RABL6: variants seen among roughly 807,000 people sequenced by gnomAD.
RABL6 encodes the protein RAB, member RAS oncogene family like 6, also known as rab-like protein 6.
Under a neutral mutation model 72.9 loss-of-function variants are expected in RABL6, and 28 were observed. The ratio of observed to expected loss-of-function variants is 0.38; its 90% CI spans 0.28 to 0.53. RABL6 has a LOEUF of 0.53. Ranked by LOEUF, RABL6 falls within the 20% of genes least tolerant of loss-of-function variation. The pLI is 0.80. For missense variants in RABL6, 1,029 were observed against 1,008.4 expected (o/e 1.02, Z -0.28); for synonymous variants, 477 against 421.2 (o/e 1.13, Z -1.62).
At position 136,837,967 on chromosome 9, in the gene RABL6, G is replaced by T; in HGVS notation, c.1232G>T (p.Arg411Met). The change falls in exon 10 of 15, where the codon AGG becomes ATG. Residue 411 changes from arginine to methionine, a missense_variant. Physicochemically the swap from Arg to Met is moderately conservative, Grantham distance 91. Around this residue, in one of 2 missense-constraint regions of RABL6, gnomAD observed 595 missense variants for 472.4 expected, o/e 1.26. Coordinates refer to ENST00000311502, the MANE Select transcript of RABL6 (RefSeq NM_024718.5). ...TTCCTGGAAGACACAACCCCCGCCAGGGACGAGAAGAAGGTGGGGGCCAAG... is the reference window on the plus strand; with the variant it reads ...TTCCTGGAAGACACAACCCCCGCCATGGACGAGAAGAAGGTGGGGGCCAAG... ...RSFLEDTTPA[R>M]DEKKVGAKAA... 1 of 1,569,134 alleles carries T rather than the reference G, an allele frequency of 6.4e-7. No individual in the cohort carries two copies. Among genetic ancestry groups the T allele is most frequent in the Non-Finnish European group, 8.6e-7 (1 of 1,157,950 alleles).
chr9:136,832,055 T>A (rs1848488727), intron 6 of RABL6, 194 bp downstream of exon 6: 1 of 998,148 alleles, frequency 1.0e-6, no homozygotes, highest in Non-Finnish European at 1.4e-6. Context: ...GCTGGGGAAC[T>A]GTGTGCCAGG....
intron 1 of RABL6, among the ~76,000 whole-genome samples, chr9:136,816,403 CCTAA>C (rs1472048338): frequency 2.0e-5 from 3 of 151,842 alleles, no homozygotes; most frequent in African/African-American, 4.8e-5. Context: ...CTGCGACCAG[CCTAA>C]CTTTTTAACT....
intron 1 of RABL6, among the ~76,000 whole-genome samples, chr9:136,816,672 G>C (rs1209637634): frequency 1.4e-5 from 2 of 141,646 alleles, no homozygotes; most frequent in African/African-American, 5.1e-5. Flanking sequence ...GGTCGAGATC[G>C]CGCCACTGCA....
intron 1 of RABL6, chr9:136,814,628 G>A (rs1848079860): frequency 6.6e-6 from 1 of 151,968 alleles, no homozygotes; most frequent in Admixed American, 6.6e-5. Context: ...GTACACGCCT[G>A]TAATCCCAGC....
chr9:136,808,321 A>G lies in RABL6; in HGVS notation c.125A>G (p.Tyr42Cys). The G allele has an allele frequency of 6.5e-7, 1 of 1,535,088 alleles. No homozygotes were observed. Among genetic ancestry groups the G allele is most frequent in the Middle Eastern group, 1.8e-4 (1 of 5,642 alleles). ...AGGCGCTTCGCCAAGGGGGTGCAGT[A>G]CAACAGTGAGTGCGGCGGGCCGGGG... ...LQRRFAKGVQ[Y>C]NMKIVIRGDR... Residue 42 changes from tyrosine (Y) to cysteine (C), a missense_variant, in exon 1 of 15, where the codon TAC becomes TGC. Physicochemically the swap from Tyr to Cys is radical, Grantham distance 194. This residue lies in a region of RABL6 where 434 missense variants were observed against 536.1 expected (regional missense o/e 0.81). Transcript: ENST00000311502.
chr9:136,839,151 C>G (rs761299408), intron 11 of RABL6, 30 bp downstream of exon 11: 34 of 1,607,858 alleles, frequency 2.1e-5, no homozygotes, highest in Non-Finnish European at 2.6e-5. Context: ...CGGGTGCGGC[C>G]TGGAGACCCG....
rs376859506 is a variant in RABL6 at position 136,839,894 on chromosome 9, C to T, written c.1930+29C>T. ...GGTGGGGGCACCAGAGTGCGGTCAG[C>T]CTGCTGGAGTTTGGGTAGAACGTGG... is the stretch of plus-strand genomic sequence containing the variant. On this transcript the variant is annotated intron_variant, in intron 13 of 14. Transcript: ENST00000311502. 22 of 1,600,202 alleles carry T rather than the reference C, an allele frequency of 1.4e-5. No individual in the cohort carries two copies. In the African/African-American group the frequency reaches 2.1e-4, roughly 16 times the overall value.
intron 1 of RABL6, chr9:136,813,603 A>C (rs1425752778): frequency 6.2e-6 from 2 of 320,286 alleles, no homozygotes; most frequent in Admixed American, 3.9e-5. Flanking sequence ...TCCAATCTCC[A>C]CAGCATCTTC....
intron 3 of RABL6, 74 bp downstream of exon 3, chr9:136,825,900 C>T: frequency 6.6e-7 from 1 of 1,523,948 alleles, no homozygotes. Context: ...CCTTTCTTTC[C>T]CCCGGCGCCC....
At position 136,839,366 on chromosome 9, in the gene RABL6, G is replaced by A. The variant is rs773147486; in HGVS notation, c.1638G>A (p.Lys546=). Residue 546 remains lysine, a synonymous_variant, in exon 12 of 15, where the codon AAG becomes AAA. Coordinates refer to ENST00000311502, the MANE Select transcript of RABL6 (RefSeq NM_024718.5). ...CCCCTGCTGAGATGGAGCCGGGGAA[G>A]GGTGAGCAGGCCTCCTCGTCGGAGA... ...TRPPAEMEPG[K]GEQASSSESD... 2 of 1,612,664 alleles carry A rather than the reference G, an allele frequency of 1.2e-6. No homozygotes were observed. The highest frequency in any genetic ancestry group is 8.5e-7 in the Non-Finnish European group (1 of 1,179,756).
Position 136,833,941 on chromosome 9 carries a change from C to CAGCT in RABL6, c.705+1572_705+1575dup, listed in dbSNP as rs1020424389. On this transcript the variant is annotated intron_variant, in intron 7 of 14. Transcript: ENST00000311502. ...ACTCCTTAGAGAGCTCCCCACTGCT[C>CAGCT]AGCTGCTCCATTCCCTAATGGTTTG... 1.9e-6 allele frequency: 3 copies of CAGCT among 1,548,002 alleles called. No homozygotes were observed. The African/African-American group carries it at 4.1e-5, about 21-fold the overall frequency.
At position 136,837,915 on chromosome 9, in the gene RABL6, G is replaced by T. The variant is rs1402295695; in HGVS notation, c.1180G>T (p.Val394Phe). ...AACGGTCCAGAGTGTGGAGGACTTT[G>T]TTCCTGACGACCGCCTGGACCGCAG... ...PATVQSVEDF[V>F]PDDRLDRSFL... Residue 394 changes from valine (V) to phenylalanine (F), a missense_variant, in exon 10 of 15, where the codon GTT (valine) becomes TTT (phenylalanine). By Grantham distance (50) the Val-to-Phe change is conservative. Around this residue, in one of 2 missense-constraint regions of RABL6, gnomAD observed 595 missense variants for 472.4 expected, o/e 1.26. Transcript: ENST00000311502. 2 of 1,552,934 alleles carry T rather than the reference G, an allele frequency of 1.3e-6. No individual in the cohort carries two copies.
At position 136,839,141 on chromosome 9, in the gene RABL6, C is replaced by G. The variant is rs185358593; in HGVS notation, c.1493+20C>G. ...CAAGTGGTAAGGGCAGGTGTCCCCACGGGTGCGGCCTGGAGACCCGGGTGG... is the reference window on the plus strand; with the variant it reads ...CAAGTGGTAAGGGCAGGTGTCCCCAGGGGTGCGGCCTGGAGACCCGGGTGG... On this transcript the variant is annotated intron_variant, in intron 11 of 14. Transcript: ENST00000311502. 1 of 1,609,558 alleles carries G rather than the reference C, an allele frequency of 6.2e-7. No homozygotes were observed. The highest frequency in any genetic ancestry group is 1.7e-5 in the Admixed American group (1 of 59,856).
Position 136,831,816 on chromosome 9 carries a change from T to C in RABL6, c.554T>C (p.Val185Ala). The stretch of plus-strand genomic sequence containing the variant: ...TACCGGGACATGGGCGAGCACCGAG[T>C]CATCCTGCCGGACGACGTGCGTGAC... Reference protein sequence around the residue: ...GNYRDMGEHRVILPDDVRDFI... With the variant: ...GNYRDMGEHRAILPDDVRDFI... The change falls in exon 6 of 15, where the codon GTC becomes GCC. Residue 185 changes from valine (V) to alanine (A), a missense_variant. Val to Ala is a moderately conservative substitution (Grantham distance 64). Around this residue, in one of 2 missense-constraint regions of RABL6, gnomAD observed 434 missense variants for 536.1 expected, o/e 0.81. Coordinates refer to ENST00000311502, the MANE Select transcript of RABL6 (RefSeq NM_024718.5). The C allele has an allele frequency of 1.2e-6, 2 of 1,612,936 alleles. No homozygotes were observed. Among genetic ancestry groups the C allele is most frequent in the East Asian group, 4.5e-5 (2 of 44,872 alleles).
rs758351837 is a variant in RABL6 at position 136,833,879 on chromosome 9, C to T, written c.705+1509C>T. 3.2e-6 allele frequency: 5 copies of T among 1,550,510 alleles called. No homozygotes were observed. The South Asian group carries it at 4.8e-5, about 15-fold the overall frequency. ...GCCGGCACTGCTGGGGAGGCCCCTC[C>T]TTCCTGCAGAGCCGTCCCCTCATCA... is the stretch of plus-strand genomic sequence containing the variant. On this transcript the variant is annotated intron_variant, in intron 7 of 14. Coordinates refer to ENST00000311502, the MANE Select transcript of RABL6 (RefSeq NM_024718.5).
At chr9:136,832,186 A>G in intron 6 of RABL6, 79 bp from the exon 7 acceptor site, 2 of 1,319,728 alleles carry the variant, frequency 1.5e-6, no homozygotes, top group Middle Eastern at 1.9e-4. Context: ...GTGCGGACCC[A>G]CAGCTGTGGG....
At chr9:136,832,204 G>A (rs892068513) in intron 6 of RABL6, 61 bp from the exon 7 acceptor site, 3 of 1,473,878 alleles carry the variant, frequency 2.0e-6, no homozygotes, top group Admixed American at 1.7e-5. Flanking sequence ...GGGCCCAGGG[G>A]TGATCCTTGG....
chr9:136,830,139 C>T (rs1406865867), intron 5 of RABL6, among the ~76,000 whole-genome samples: 3 of 152,270 alleles, frequency 2.0e-5, no homozygotes, highest in African/African-American at 4.8e-5. Context: ...GCCCGGAGCA[C>T]CAGGAGCAGC....
At chr9:136,822,162 T>G in intron 1 of RABL6, 1 of 1,148,450 alleles carries the variant, frequency 8.7e-7, no homozygotes, top group South Asian at 1.5e-5. Context: ...GCCCTCTGCG[T>G]TGGGAGCTTG....
Sources: allele counts gnomAD v4.1 joint callset (sites outside exome capture counted in the v4.1 genomes callset), GRCh38; gene constraint gnomAD v4.1.1; regional missense constraint gnomAD v4.1.1; transcripts MANE v1.5; gene names NCBI Gene and HGNC (gene_info 2026-07-23, HGNC 2026-07-21).